Variants in SLC22A2 observed in about 807,000 individuals in gnomAD.
SLC22A2 encodes the protein solute carrier family 22 member 2.
In SLC22A2, 46 loss-of-function variants were observed where a neutral mutation model predicts 60.5. That is an observed-to-expected ratio of 0.76 (90% confidence interval 0.60 to 0.97). The LOEUF (loss-of-function observed/expected upper bound fraction) is 0.97, where lower values mean the gene tolerates loss of function less well. SLC22A2 is among the 50% of genes least tolerant of loss of function. The pLI is 0.00. For synonymous variants in SLC22A2, 303 were observed against 267.0 expected (o/e 1.13, Z -1.31); for missense variants, 701 against 706.6 (o/e 0.99, Z 0.09).
At chr6:160,238,711 G>A (rs1365859849) in intron 9 of SLC22A2, among the ~76,000 whole-genome samples, 4 of 152,200 alleles carry the variant, frequency 2.6e-5, no homozygotes, top group Non-Finnish European at 4.4e-5. Flanking sequence ...AAAGGTTAGT[G>A]AGGGAAGAAT....
At chr6:160,256,209 C>A (rs1783269283) in intron 2 of SLC22A2, among the ~76,000 whole-genome samples, 1 of 151,914 alleles carries the variant, frequency 6.6e-6, no homozygotes, top group Non-Finnish European at 1.5e-5. Flanking sequence ...GGGCTCCCAG[C>A]ATATGCGAGA....
chr6:160,238,594 T>C (rs1782950732), intron 9 of SLC22A2, among the ~76,000 whole-genome samples: 1 of 152,212 alleles, frequency 6.6e-6, no homozygotes, highest in African/African-American at 2.4e-5. Flanking sequence ...TATCGTTTTA[T>C]GGCTATTTCA....
intron 4 of SLC22A2, 72 bp from the exon 5 acceptor site, chr6:160,247,370 C>A: frequency 1.2e-6 from 1 of 815,646 alleles, no homozygotes; most frequent in Non-Finnish European, 2.1e-6. Context: ...TTTTTATAAT[C>A]AGATTTCTCT....
chr6:160,237,228 G>A (rs181370771), intron 9 of SLC22A2, among the ~76,000 whole-genome samples: 1 of 152,168 alleles, frequency 6.6e-6, no homozygotes, highest in East Asian at 1.9e-4. Flanking sequence ...TCTAATTCTG[G>A]GCTCATTGGA....
intron 9 of SLC22A2, 39 bp downstream of exon 9, chr6:160,241,435 A>G (rs1782999111): frequency 7.4e-7 from 1 of 1,354,348 alleles, no homozygotes. Context: ...CTCTAGAAAA[A>G]TAAGTTTTCA....
intron 9 of SLC22A2, among the ~76,000 whole-genome samples, chr6:160,230,062 C>A (rs1023860417): frequency 1.3e-5 from 2 of 151,822 alleles, no homozygotes; most frequent in African/African-American, 4.9e-5. Flanking sequence ...TCAGTCCCAA[C>A]CCTAATCATC....
At chr6:160,218,640 C>T (rs1485382778) in intron 10 of SLC22A2, among the ~76,000 whole-genome samples, 1 of 5,118 alleles carries the variant, frequency 2.0e-4, no homozygotes, top group Non-Finnish European at 4.7e-4. Context: ...ACACGAGCAA[C>T]AGCAGCAGCA....
chr6:160,234,894 G>A (rs914857633), intron 9 of SLC22A2, among the ~76,000 whole-genome samples: 1 of 152,184 alleles, frequency 6.6e-6, no homozygotes, highest in African/African-American at 2.4e-5. Context: ...TTTAAAATCT[G>A]TATAACCTTT....
At chr6:160,246,301 T>A (rs1262915275) in intron 5 of SLC22A2, among the ~76,000 whole-genome samples, 1 of 152,192 alleles carries the variant, frequency 6.6e-6, no homozygotes, top group Non-Finnish European at 1.5e-5. Flanking sequence ...GCACCTGGCC[T>A]ATTTTCGAAT....
chr6:160,243,506 A>G, intron 7 of SLC22A2, 66 bp downstream of exon 7: 6 of 1,146,954 alleles, frequency 5.2e-6, no homozygotes, highest in Non-Finnish European at 7.9e-6. Flanking sequence ...TTTCCTATCA[A>G]TGGGCCGTGA....
intron 8 of SLC22A2, 44 bp from the exon 9 acceptor site, chr6:160,241,630 G>T (rs1783004805): frequency 1.6e-6 from 2 of 1,248,932 alleles, no homozygotes; most frequent in Non-Finnish European, 2.4e-6. Context: ...TTATCACAGT[G>T]CAGTAGTTAT....
At chr6:160,254,732 T>C (rs316009) in intron 2 of SLC22A2, among the ~76,000 whole-genome samples, 138,821 of 152,230 alleles carry the variant, frequency 0.91, 63,374 homozygotes, top group East Asian at 0.96. Context: ...AGACAGCCTT[T>C]GGGGGAAGAA....
At chr6:160,249,116 C>T in intron 4 of SLC22A2, 100 bp downstream of exon 4, 1 of 804,818 alleles carries the variant, frequency 1.2e-6, no homozygotes, top group Non-Finnish European at 1.9e-6. Context: ...AGAGTGAAAG[C>T]AATCTCAGAA....
chr6:160,227,381 A>G (rs552869276), intron 9 of SLC22A2, among the ~76,000 whole-genome samples: 1 of 152,220 alleles, frequency 6.6e-6, no homozygotes, highest in Non-Finnish European at 1.5e-5. Context: ...GCCAATCAGA[A>G]AATCTTTGAA....
intron 9 of SLC22A2, among the ~76,000 whole-genome samples, chr6:160,233,297 T>G (rs958116865): frequency 1.3e-5 from 2 of 151,802 alleles, no homozygotes; most frequent in Non-Finnish European, 2.9e-5. Context: ...TAATTCCTCG[T>G]TTTGGCCTTC....
chr6:160,230,912 C>T lies in SLC22A2; in HGVS notation c.1502-6108G>A, dbSNP rs556800410. On this transcript the variant is annotated intron_variant, in intron 9 of 10. Transcript: ENST00000366953. ...GTCCTAGGGCCCCTAAAGCTCTAGC[C>T]CAAGGCTCTCTGACTGACTCCTCCC... Among the ~76,000 whole-genome samples the T allele has an allele frequency of 3.3e-5, 5 of 152,050 alleles. No individual in the cohort carries two copies. The East Asian group carries it at 9.6e-4, about 29-fold the overall frequency.
At chr6:160,219,297 C>G (rs899470791) in intron 10 of SLC22A2, among the ~76,000 whole-genome samples, 2 of 122,398 alleles carry the variant, frequency 1.6e-5, no homozygotes, top group African/African-American at 6.3e-5. Context: ...ATAGCAACAG[C>G]AAAAACAATA....
intron 10 of SLC22A2, among the ~76,000 whole-genome samples, chr6:160,223,732 T>C (rs1782678233): frequency 6.6e-6 from 1 of 152,188 alleles, no homozygotes; most frequent in Non-Finnish European, 1.5e-5. Flanking sequence ...ATTTAATTTA[T>C]TTTTATTTTT....
chr6:160,217,427 T>A lies in SLC22A2; in HGVS notation c.*5A>T. 6.3e-7 allele frequency: 1 copy of A among 1,587,656 alleles called. No homozygotes were observed. Among genetic ancestry groups the A allele is most frequent in the South Asian group, 1.1e-5 (1 of 89,706 alleles). ...AGGTCATGACAGCAGCAACGGTCTC[T>A]CTTCTTAGTTCAATGGAATGTCTAG... On this transcript the variant is annotated 3_prime_UTR_variant, in exon 11 of 11. Coordinates refer to ENST00000366953, the MANE Select transcript of SLC22A2 (RefSeq NM_003058.4).
Sources: allele counts gnomAD v4.1 joint callset (sites outside exome capture counted in the v4.1 genomes callset), GRCh38; gene constraint gnomAD v4.1.1; transcripts MANE v1.5; gene names NCBI Gene and HGNC (gene_info 2026-07-23, HGNC 2026-07-21).